The following HTATIP2 variants were observed in gnomAD, a reference collection of about 807,000 sequenced individuals.
HTATIP2 encodes protein HTATIP2.
In HTATIP2, 26 loss-of-function variants were observed where a neutral mutation model predicts 24.7. The ratio of observed to expected loss-of-function variants is 1.05; its 90% confidence interval spans 0.77 to 1.46. The LOEUF (loss-of-function observed/expected upper bound fraction) is 1.46. Among genes scored for constraint, HTATIP2 ranks in the 40% most tolerant of loss-of-function variants. The probability of loss-of-function intolerance (pLI) is 0.00; values close to 1 mark genes in which losing one functional copy is unlikely to be tolerated. For missense variants in HTATIP2, 284 were observed against 289.6 expected (o/e 0.98, Z 0.14); for synonymous variants, 99 against 113.2 (o/e 0.87, Z 0.79).
intron 4 of HTATIP2, 43 bp downstream of exon 4, chr11:20,382,282 G>A: frequency 1.9e-6 from 2 of 1,057,354 alleles, no homozygotes; most frequent in East Asian, 4.9e-5. Flanking sequence ...GCCACTGATG[G>A]TTAATCCCTA....
In HTATIP2 at chr11:20,363,809, C is replaced by G; in HGVS notation, c.-429C>G. 3 of 1,245,342 alleles carry G rather than the reference C, an allele frequency of 2.4e-6. No individual in the cohort carries two copies. The highest frequency in any genetic ancestry group is 3.0e-6 in the Non-Finnish European group (3 of 989,768). 77.1% of individuals were successfully genotyped at this position (1,245,342 alleles called of 1,614,324 possible). A position where few individuals can be genotyped will look rare whatever the true frequency, so the allele number is the denominator to read the frequency against. ...GTCCGACCAGGGAAGGTGGGATGCT[C>G]TGATGGCCGGGCCTGCGGCGCTGAG... On this transcript the variant is annotated 5_prime_UTR_variant, in exon 1 of 5. Transcript: ENST00000451739.
At chr11:20,376,757 C>T (rs1848453565) in intron 3 of HTATIP2, 40 bp downstream of exon 3, 1 of 1,536,858 alleles carries the variant, frequency 6.5e-7, no homozygotes. Context: ...TTTGGAGAAC[C>T]CTAGCTATTT....
At chr11:20,377,437 G>T (rs1444046169) in intron 3 of HTATIP2, among the ~76,000 whole-genome samples, 1 of 152,110 alleles carries the variant, frequency 6.6e-6, no homozygotes, top group Non-Finnish European at 1.5e-5. Context: ...TGCACATTTT[G>T]CTATTCTTAG....
intron 2 of HTATIP2, among the ~76,000 whole-genome samples, chr11:20,367,894 A>G (rs1340060607): frequency 6.6e-6 from 1 of 152,194 alleles, no homozygotes; most frequent in Non-Finnish European, 1.5e-5. Flanking sequence ...CAGAAGTCAT[A>G]GTTTACTACA....
intron 1 of HTATIP2, among the ~76,000 whole-genome samples, chr11:20,365,970 C>CAAA (rs1161230646): frequency 5.2e-5 from 5 of 96,774 alleles, no homozygotes; most frequent in African/African-American, 1.5e-4. Flanking sequence ...GACTCTGTCT[C>CAAA]AAAAAAAAAA....
intron 2 of HTATIP2, among the ~76,000 whole-genome samples, chr11:20,375,430 A>G (rs1848431183): frequency 6.6e-6 from 1 of 152,152 alleles, no homozygotes; most frequent in South Asian, 2.1e-4. Flanking sequence ...AATTAGCCGG[A>G]CATGGTGACA....
At chr11:20,365,953 A>C (rs1258218460) in intron 1 of HTATIP2, among the ~76,000 whole-genome samples, 1 of 141,760 alleles carries the variant, frequency 7.1e-6, no homozygotes, top group Non-Finnish European at 1.5e-5. Flanking sequence ...CCTGGGTGAC[A>C]GAGCGAGACT....
Position 20,383,246 on chromosome 11 carries a change from C to A in HTATIP2, c.*41C>A. ...GGTTTTTATTGTCAACCTTAACACC[C>A]ATCACCAAATCGGTAATTTCAGGGT... On this transcript the variant is annotated 3_prime_UTR_variant, in exon 5 of 5. Transcript: ENST00000451739. The A allele has an allele frequency of 6.9e-7, 1 of 1,456,756 alleles. No individual in the cohort carries two copies. The highest frequency in any genetic ancestry group is 9.5e-7 in the Non-Finnish European group (1 of 1,052,598). The allele number at this position is 1,456,756 out of a possible 1,614,324, so 90.2% of individuals were successfully genotyped here.
intron 3 of HTATIP2, among the ~76,000 whole-genome samples, chr11:20,379,410 T>C (rs1848488714): frequency 1.3e-5 from 2 of 152,230 alleles, no homozygotes; most frequent in Admixed American, 1.3e-4. Flanking sequence ...AAGATTATCT[T>C]TCCAAAATAA....
intron 3 of HTATIP2, among the ~76,000 whole-genome samples, chr11:20,379,010 T>A (rs112257573): frequency 0.11 from 17,013 of 152,132 alleles, 1,531 homozygotes; most frequent in African/African-American, 0.23. Context: ...GCACTCCAGC[T>A]TGGGGACAGA....
intron 1 of HTATIP2, among the ~76,000 whole-genome samples, chr11:20,364,905 A>G (rs932311657): frequency 2.6e-5 from 4 of 151,854 alleles, no homozygotes; most frequent in African/African-American, 9.7e-5. Context: ...GGGATTATTC[A>G]CTTACAAGAA....
In HTATIP2 at chr11:20,364,163, C is replaced by A. The variant is rs749629526; in HGVS notation, c.-75C>A. The A allele has an allele frequency of 6.6e-6, 10 of 1,510,424 alleles. No individual in the cohort carries two copies. Among genetic ancestry groups the A allele is most frequent in the Non-Finnish European group, 8.9e-6 (10 of 1,126,972 alleles). The allele number at this position is 1,510,424 out of a possible 1,614,324, so 93.6% of individuals were successfully genotyped here. On this transcript the variant is annotated 5_prime_UTR_variant, in exon 1 of 5. Coordinates refer to ENST00000451739, the MANE Select transcript of HTATIP2 (RefSeq NM_001098522.2). ...TCCTCCTCCCTAACAGATAAACAGCCCTTGTTCCTCGGGATAAGGACTGGC... is the reference window on the plus strand; with the variant it reads ...TCCTCCTCCCTAACAGATAAACAGCACTTGTTCCTCGGGATAAGGACTGGC...
chr11:20,365,697 C>T (rs960434132), intron 1 of HTATIP2, among the ~76,000 whole-genome samples: 3 of 152,078 alleles, frequency 2.0e-5, no homozygotes, highest in African/African-American at 4.8e-5. Flanking sequence ...GAAGGCTGGG[C>T]GTGGTGGCTC....
At chr11:20,372,542 A>G (rs2064782684) in intron 2 of HTATIP2, among the ~76,000 whole-genome samples, 1 of 152,154 alleles carries the variant, frequency 6.6e-6, no homozygotes, top group South Asian at 2.1e-4. Flanking sequence ...GTGGGAACTT[A>G]TTTAATTAAT....
rs1301754004 is a variant in HTATIP2, at chr11:20,383,212, T to C, written c.*7T>C. ...TGGCTCTCTCAAGCCATGACCACAT[T>C]GGAGAAATGGTTTTTATTGTCAACC... On this transcript the variant is annotated 3_prime_UTR_variant, in exon 5 of 5. Coordinates refer to ENST00000451739, the MANE Select transcript of HTATIP2 (RefSeq NM_001098522.2). 1 of 1,602,328 alleles carries C rather than the reference T, an allele frequency of 6.2e-7. No homozygotes were observed. Among genetic ancestry groups the C allele is most frequent in the Non-Finnish European group, 8.5e-7 (1 of 1,170,716 alleles).
At chr11:20,379,057 AAAC>A (rs72394512) in intron 3 of HTATIP2, among the ~76,000 whole-genome samples, 112,813 of 151,342 alleles carry the variant, frequency 0.75, 43,122 homozygotes, top group South Asian at 0.85. Flanking sequence ...AAAACAAAAC[AAAC>A]AACAACAACA....
At chr11:20,369,906 A>G (rs1022505075) in intron 2 of HTATIP2, among the ~76,000 whole-genome samples, 2 of 152,334 alleles carry the variant, frequency 1.3e-5, no homozygotes, top group South Asian at 2.1e-4. Flanking sequence ...GAAAAGGTCT[A>G]TTAGCTTTCC....
At chr11:20,374,409 T>C (rs1188523504) in intron 2 of HTATIP2, among the ~76,000 whole-genome samples, 1 of 152,240 alleles carries the variant, frequency 6.6e-6, no homozygotes, top group African/African-American at 2.4e-5. Context: ...TTACCTGAGA[T>C]AAAATCAAGG....
Position 20,363,795 on chromosome 11 carries a change from G to A in HTATIP2, c.-443G>A. ...CTCCAACCCCCCCGGTCCGACCAGGGAAGGTGGGATGCTCTGATGGCCGGG... is the reference window on the plus strand; with the variant it reads ...CTCCAACCCCCCCGGTCCGACCAGGAAAGGTGGGATGCTCTGATGGCCGGG... On this transcript the variant is annotated 5_prime_UTR_variant, in exon 1 of 5. Transcript: ENST00000451739. The A allele has an allele frequency of 1.6e-6, 2 of 1,243,786 alleles. No individual in the cohort carries two copies. Among genetic ancestry groups the A allele is most frequent in the Non-Finnish European group, 1.0e-6 (1 of 988,974 alleles). The allele number at this position is 1,243,786 out of a possible 1,614,324, so 77.0% of individuals were successfully genotyped here.
Sources: gnomAD v4.1 joint callset for allele counts (sites outside exome capture counted in the v4.1 genomes callset) on GRCh38, gnomAD v4.1.1 for gene constraint, MANE v1.5 for transcripts, NCBI Gene and HGNC (gene_info 2026-07-23, HGNC 2026-07-21) for gene names.